Variants in TDP1 observed in about 807,000 individuals in gnomAD.
TDP1 encodes the protein tyr-DNA phosphodiesterase 1.
TDP1 carries 64 observed loss-of-function variants against 81.5 expected under a neutral mutation model. That is an observed-to-expected ratio of 0.79 (90% CI 0.64 to 0.97). The LOEUF (loss-of-function observed/expected upper bound fraction) is 0.97, where lower values mean the gene tolerates loss of function less well. Among genes scored for constraint, TDP1 ranks in the 50% least tolerant of loss-of-function variants. The probability of loss-of-function intolerance (pLI) is 0.00; values close to 1 mark genes in which losing one functional copy is unlikely to be tolerated. For synonymous variants in TDP1, 256 were observed against 264.3 expected (o/e 0.97, Z 0.30); for missense variants, 723 against 743.8 (o/e 0.97, Z 0.33).
intron 14 of TDP1, among the ~76,000 whole-genome samples, chr14:90,017,617 C>T (rs1329140305): frequency 6.6e-6 from 1 of 152,116 alleles, no homozygotes. Context: ...AAGATACCTC[C>T]CGTCTTTGTT....
At chr14:89,962,874 A>C in intron 2 of TDP1, 5 of 444,582 alleles carry the variant, frequency 1.1e-5, no homozygotes, top group Non-Finnish European at 1.5e-5. Flanking sequence ...ACCCTGTTTC[A>C]AAAAAAAAAA....
At chr14:89,984,087 C>T in intron 8 of TDP1, 1 of 983,898 alleles carries the variant, frequency 1.0e-6, no homozygotes, top group Non-Finnish European at 1.2e-6. Flanking sequence ...TGCATTGATG[C>T]AGACAAGGGC....
intron 14 of TDP1, among the ~76,000 whole-genome samples, chr14:90,003,045 C>G (rs192936524): frequency 1.6e-4 from 25 of 152,248 alleles, no homozygotes; most frequent in African/African-American, 6.0e-4. Flanking sequence ...TCAAGCGATT[C>G]TTCTGCCTCA....
chr14:89,993,304 G>T, intron 13 of TDP1, 72 bp from the exon 14 acceptor site: 3 of 1,342,510 alleles, frequency 2.2e-6, no homozygotes, highest in Non-Finnish European at 1.0e-6. Context: ...TTGTTTTCAT[G>T]CAGTTTCCTA....
intron 6 of TDP1, chr14:89,975,487 A>G (rs990902345): frequency 3.8e-5 from 37 of 983,114 alleles, no homozygotes; most frequent in Non-Finnish European, 4.2e-5. Context: ...TTTTTTGTCA[A>G]CTAAAGAATT....
intron 15 of TDP1, among the ~76,000 whole-genome samples, chr14:90,020,814 T>TTTTTTTTTTTTTG (rs1217480966): frequency 7.0e-6 from 1 of 142,358 alleles, no homozygotes; most frequent in African/African-American, 2.7e-5. Flanking sequence ...TTTTTTTTTT[T>TTTTTTTTTTTTTG]AGACAGAGTC....
intron 15 of TDP1, among the ~76,000 whole-genome samples, chr14:90,028,221 A>G (rs1045466301): frequency 6.6e-6 from 1 of 152,186 alleles, no homozygotes; most frequent in Non-Finnish European, 1.5e-5. Context: ...CTTCCTTGCC[A>G]ATTAGTTGGT....
In TDP1 at chr14:90,018,995, C is replaced by G. The variant is rs34795939; in HGVS notation, c.1542-321C>G. 4,134 of 981,422 alleles carry G rather than the reference C, an allele frequency of 4.2e-3. 136 individuals carry two copies. In the African/African-American group the frequency reaches 0.069, roughly 16 times the overall value. 60.8% of individuals were successfully genotyped at this position (981,422 alleles called of 1,614,324 possible). ...TGTACAACAAAACCAGAAATCCTGG[C>G]TACTCCAGGATCGTGAAAAGAAAAG... is the stretch of plus-strand genomic sequence containing the variant. On this transcript the variant is annotated intron_variant, in intron 14 of 16. Transcript: ENST00000335725.
At chr14:89,960,991 G>A (rs1289170966) in intron 2 of TDP1, among the ~76,000 whole-genome samples, 1 of 152,214 alleles carries the variant, frequency 6.6e-6, no homozygotes, top group East Asian at 1.9e-4. Flanking sequence ...ACAGCCTCAG[G>A]CAGAGACCTT....
intron 14 of TDP1, among the ~76,000 whole-genome samples, chr14:90,014,117 T>G (rs1276516192): frequency 2.6e-5 from 4 of 152,212 alleles, no homozygotes; most frequent in Admixed American, 2.6e-4. Context: ...TTTTAATAGA[T>G]ACTATCCACC....
chr14:90,014,773 A>G (rs953411081), intron 14 of TDP1, among the ~76,000 whole-genome samples: 3 of 152,236 alleles, frequency 2.0e-5, no homozygotes, highest in African/African-American at 7.2e-5. Flanking sequence ...TTAAAAGTGA[A>G]TCTAATCAGC....
chr14:89,996,208 T>C (rs1223733055), intron 14 of TDP1, among the ~76,000 whole-genome samples: 1 of 152,098 alleles, frequency 6.6e-6, no homozygotes, highest in Admixed American at 6.6e-5. Context: ...AAACATAGAG[T>C]TTCCTCATTG....
At position 89,968,788 on chromosome 14, in the gene TDP1, T is replaced by C. The variant is rs377494753; in HGVS notation, c.659+1366T>C. On this transcript the variant is annotated intron_variant, in intron 5 of 16. Transcript: ENST00000335725. ...ATCAAACTGTCACCCCATTAGAGTG[T>C]TGGCAAAGTGCAGACTGCAGTTCCT... is the stretch of plus-strand genomic sequence containing the variant. Among the ~76,000 whole-genome samples the C allele has an allele frequency of 3.0e-4, 45 of 152,318 alleles. No homozygotes were observed. In the East Asian group the frequency reaches 4.6e-3, roughly 16 times the overall value.
At chr14:90,009,261 C>G (rs959624901) in intron 14 of TDP1, among the ~76,000 whole-genome samples, 10 of 152,108 alleles carry the variant, frequency 6.6e-5, no homozygotes, top group Non-Finnish European at 8.8e-5. Flanking sequence ...GAACCAATGT[C>G]TATGTTAATA....
At chr14:89,982,796 T>G (rs980961170) in intron 8 of TDP1, among the ~76,000 whole-genome samples, 2 of 152,340 alleles carry the variant, frequency 1.3e-5, no homozygotes, top group African/African-American at 4.8e-5. Context: ...ATGCTTGGCC[T>G]ATATTCTACT....
intron 14 of TDP1, among the ~76,000 whole-genome samples, chr14:89,998,420 A>ATATATG (rs1566891293): frequency 2.0e-4 from 16 of 79,252 alleles, no homozygotes; most frequent in African/African-American, 4.5e-4. Flanking sequence ...ATATATATAT[A>ATATATG]TATGTATGTA....
chr14:89,989,510 T>C lies in TDP1; in HGVS notation c.1318-207T>C, dbSNP rs531859314. ...AATTTCAAAGGAAAAAATACTCCAA[T>C]TGAAGTATAATTTTACATCAAATAT... On this transcript the variant is annotated intron_variant, in intron 11 of 16. Coordinates refer to ENST00000335725, the MANE Select transcript of TDP1 (RefSeq NM_018319.4). 232 of 846,684 alleles carry C rather than the reference T, an allele frequency of 2.7e-4. 1 individual carries two copies. In the African/African-American group the frequency reaches 4.0e-3, roughly 15 times the overall value. 52.4% of individuals were successfully genotyped at this position (846,684 alleles called of 1,614,324 possible).
intron 6 of TDP1, 26 bp downstream of exon 6, chr14:89,971,297 G>A (rs948707955): frequency 9.0e-6 from 14 of 1,560,772 alleles, no homozygotes; most frequent in African/African-American, 1.4e-5. Context: ...CCGTTGGAGA[G>A]CACGCGTAGT....
chr14:90,001,182 T>A (rs781326922), intron 14 of TDP1, among the ~76,000 whole-genome samples: 24 of 152,248 alleles, frequency 1.6e-4, no homozygotes, highest in Non-Finnish European at 3.1e-4. Flanking sequence ...ATGTGAAAAC[T>A]GGCTACAGAA....
Sources: allele counts gnomAD v4.1 joint callset (sites outside exome capture counted in the v4.1 genomes callset), GRCh38; gene constraint gnomAD v4.1.1; transcripts MANE v1.5; gene names NCBI Gene and HGNC (gene_info 2026-07-23, HGNC 2026-07-21).